The following MSL1 variants were observed in gnomAD, a reference collection of about 807,000 sequenced individuals.
MSL1 encodes male-specific lethal 1 homolog.
MSL1 carries 21 observed loss-of-function variants against 64.6 expected under a neutral mutation model. That is an observed-to-expected ratio of 0.33 (90% CI 0.23 to 0.47). The LOEUF (loss-of-function observed/expected upper bound fraction) is 0.47. MSL1 is among the 20% of genes least tolerant of loss of function. The pLI is 1.00. For missense variants in MSL1, 664 were observed against 793.2 expected (o/e 0.84, Z 1.96); for synonymous variants, 339 against 329.6 (o/e 1.03, Z -0.31).
chr17:40,123,245 C>T lies in MSL1; in HGVS notation c.633C>T (p.Gly211=). Residue 211 remains glycine, a synonymous_variant, in exon 1 of 9, where the codon GGC becomes GGT. Coordinates refer to ENST00000398532, the MANE Select transcript of MSL1 (RefSeq NM_001365919.1). ...GGAAGAGCCCTCTCGGGGGTGGTGG[C>T]GGCTCGGGAGCCTCCAGTCAGGCCG... is the stretch of plus-strand genomic sequence containing the variant. The part of the protein sequence containing the change: ...SMRKSPLGGG[G]GSGASSQAAC... 1 of 1,535,704 alleles carries T rather than the reference C, an allele frequency of 6.5e-7. No homozygotes were observed. Among genetic ancestry groups the T allele is most frequent in the South Asian group, 1.2e-5 (1 of 84,064 alleles).
intron 2 of MSL1, among the ~76,000 whole-genome samples, chr17:40,128,340 A>G (rs1224228547): frequency 6.6e-6 from 1 of 150,886 alleles, no homozygotes; most frequent in Non-Finnish European, 1.5e-5. Flanking sequence ...GTAGTGGTAC[A>G]TAATGTTGGC....
In MSL1 at chr17:40,127,833, AAAG is replaced by A. The variant is rs1479907117; in HGVS notation, c.993-1408_993-1406del. On this transcript the variant is annotated intron_variant, in intron 2 of 8. Transcript: ENST00000398532. Reference sequence around the variant, plus strand: ...ACTTTAAGTAGAAATCAGTCTTGAAAAAGAAGTATAGCCGGGTGCGGTGGCTCA... The same window carrying A: ...ACTTTAAGTAGAAATCAGTCTTGAAAAAGTATAGCCGGGTGCGGTGGCTCA... Among the ~76,000 whole-genome samples, 11 of 152,354 alleles carry A rather than the reference AAAG, an allele frequency of 7.2e-5. No individual in the cohort carries two copies. The East Asian group carries it at 1.7e-3, about 24-fold the overall frequency.
chr17:40,125,098 A>G (rs181115633), intron 1 of MSL1, among the ~76,000 whole-genome samples: 33 of 152,376 alleles, frequency 2.2e-4, no homozygotes, highest in Admixed American at 1.3e-3. Flanking sequence ...GTAATAGAGT[A>G]TAAGTAGCAC....
rs1988444670 is a variant in MSL1 at position 40,131,898 on chromosome 17, A to G, written c.1424-136A>G. 1.5e-6 allele frequency: 1 copy of G among 668,132 alleles called. No homozygotes were observed. The highest frequency in any genetic ancestry group is 2.6e-6 in the Non-Finnish European group (1 of 387,618). The allele number at this position is 668,132 out of a possible 1,614,324, so 41.4% of individuals were successfully genotyped here. ...CTGAATATGGCTTCAGGGAGGCCAT[A>G]GAATGGATTCCTATCACTTGGTAAC... On this transcript the variant is annotated intron_variant, in intron 4 of 8. Transcript: ENST00000398532. This position sits in a 1 kb window ranked among gnomAD's most constrained non-coding sequence, Gnocchi z 4.5.
chr17:40,133,752 T>G, intron 7 of MSL1, 75 bp from the exon 8 acceptor site: 1 of 1,610,746 alleles, frequency 6.2e-7, no homozygotes, highest in Non-Finnish European at 8.5e-7. Context: ...ATGAAGTGTA[T>G]TTTGGAGCAG....
At chr17:40,133,688 T>A (rs1988485209) in intron 7 of MSL1, 30 bp downstream of exon 7, 3 of 1,611,482 alleles carry the variant, frequency 1.9e-6, no homozygotes, top group African/African-American at 2.7e-5. Flanking sequence ...AAGAGTAGGT[T>A]TTTGAAAGAA....
At position 40,122,641 on chromosome 17, in the gene MSL1, C is replaced by T. The variant is rs1988207711; in HGVS notation, c.29C>T (p.Ala10Val). 1.3e-6 allele frequency: 2 copies of T among 1,489,826 alleles called. No homozygotes were observed. The highest frequency in any genetic ancestry group is 1.8e-6 in the Non-Finnish European group (2 of 1,127,156). 92.3% of individuals were successfully genotyped at this position (1,489,826 alleles called of 1,614,324 possible). A position where few individuals can be genotyped will look rare whatever the true frequency, so the allele number is the denominator to read the frequency against. Residue 10 changes from alanine (A) to valine (V), a missense_variant, in exon 1 of 9, where the codon GCG becomes GTG. Physicochemically the swap from Ala to Val is moderately conservative, Grantham distance 64 (BLOSUM62 0). Transcript: ENST00000398532. This position sits in a 1 kb window ranked among gnomAD's most constrained non-coding sequence, Gnocchi z 4.2. ...ACCATGAGATCCGCGGTGTTCAAGGCGGCCGCGGCCCCTGCCGGCGGCAAT... is the reference window on the plus strand; with the variant it reads ...ACCATGAGATCCGCGGTGTTCAAGGTGGCCGCGGCCCCTGCCGGCGGCAAT... MTMRSAVFK[A>V]AAAPAGGNPE... is the part of the protein sequence containing the mutation.
rs1342426596 is a variant in MSL1 at position 40,131,736 on chromosome 17, A to G, written c.1423+152A>G. The G allele has an allele frequency of 6.7e-6, 5 of 746,728 alleles. No individual in the cohort carries two copies. Among genetic ancestry groups the G allele is most frequent in the South Asian group, 1.6e-5 (1 of 64,324 alleles). 46.3% of individuals were successfully genotyped at this position (746,728 alleles called of 1,614,324 possible). A position where few individuals can be genotyped will look rare whatever the true frequency, so the allele number is the denominator to read the frequency against. On this transcript the variant is annotated intron_variant, in intron 4 of 8. Transcript: ENST00000398532. The surrounding 1 kb of genome is among the most constrained non-coding windows in gnomAD (Gnocchi z 4.5). ...ACACTACTATAGACTTCAAAATGAC[A>G]ACAAATTTCAGTTGTTTTTCAGGAA...
Position 40,129,442 on chromosome 17 carries a change from C to T in MSL1, c.1190C>T (p.Pro397Leu), listed in dbSNP as rs1314806542. The T allele has an allele frequency of 6.2e-7, 1 of 1,613,654 alleles. No individual in the cohort carries two copies. The highest frequency in any genetic ancestry group is 1.3e-5 in the African/African-American group (1 of 74,870). ...PEKPRSSVDT[P>L]PRLSTPQKGP... ...AAGCCCCGGTCTTCAGTGGACACCC[C>T]ACCAAGACTCTCCACTCCCCAAAAG... Residue 397 changes from proline (P) to leucine (L), a missense_variant, in exon 3 of 9, where the codon CCA (proline) becomes CTA (leucine). Around this residue, in one of 4 missense-constraint regions of MSL1, gnomAD observed 119 missense variants for 164.3 expected, o/e 0.72. Transcript: ENST00000398532.
Position 40,122,780 on chromosome 17 carries a change from G to A in MSL1, c.168G>A (p.Gly56=). 7.3e-7 allele frequency: 1 copy of A among 1,377,318 alleles called. No homozygotes were observed. Among genetic ancestry groups the A allele is most frequent in the Non-Finnish European group, 9.3e-7 (1 of 1,074,676 alleles). 85.3% of individuals were successfully genotyped at this position (1,377,318 alleles called of 1,614,324 possible). A position where few individuals can be genotyped will look rare whatever the true frequency, so the allele number is the denominator to read the frequency against. ...GGCACCGTAAGCTCAAGGAGCCGGG[G>A]CCCCCGCTGGCCTCCTCCCAGGGCG... is the stretch of plus-strand genomic sequence containing the variant. ...LPRHRKLKEP[G]PPLASSQGGS... is the part of the protein sequence containing the mutation. The change falls in exon 1 of 9, where the codon GGG becomes GGA. Residue 56 remains glycine (G), a synonymous_variant. Coordinates refer to ENST00000398532, the MANE Select transcript of MSL1 (RefSeq NM_001365919.1). This position sits in a 1 kb window ranked among gnomAD's most constrained non-coding sequence, Gnocchi z 4.2.
chr17:40,133,760 C>A, intron 7 of MSL1, 67 bp from the exon 8 acceptor site: 1 of 1,609,346 alleles, frequency 6.2e-7, no homozygotes, highest in Middle Eastern at 1.7e-4. Flanking sequence ...TATTTTGGAG[C>A]AGATATAGCT....
intron 3 of MSL1, 110 bp downstream of exon 3, chr17:40,129,737 C>T: frequency 8.3e-7 from 1 of 1,207,170 alleles, no homozygotes; most frequent in Non-Finnish European, 1.1e-6. Flanking sequence ...AAGCAGAGTT[C>T]TGTCAAGAAT....
At position 40,135,145 on chromosome 17, in the gene MSL1, A is replaced by G. The variant is rs1270503284; in HGVS notation, c.*776A>G. 6.6e-6 allele frequency: 1 copy of G among 152,312 alleles called. No individual in the cohort carries two copies. Among genetic ancestry groups the G allele is most frequent in the East Asian group, 1.9e-4 (1 of 5,338 alleles). 9.4% of individuals were successfully genotyped at this position (152,312 alleles called of 1,614,324 possible). On this transcript the variant is annotated 3_prime_UTR_variant, in exon 9 of 9. Transcript: ENST00000398532. The stretch of plus-strand genomic sequence containing the variant: ...TGGGATGGCATGCCAAAACCTGTAT[A>G]AATGTCCTTGTATCACATCACTTCT...
rs1187748728 is a variant in MSL1 at position 40,134,534 on chromosome 17, T to G, written c.*165T>G. The stretch of plus-strand genomic sequence containing the variant: ...TTCATTACTCTGATTTCACAAAAAC[T>G]CTTTCATTCGGCTAATTGTGAGTTA... On this transcript the variant is annotated 3_prime_UTR_variant, in exon 9 of 9. Coordinates refer to ENST00000398532, the MANE Select transcript of MSL1 (RefSeq NM_001365919.1). The G allele has an allele frequency of 1.6e-6, 1 of 622,570 alleles. No individual in the cohort carries two copies. The highest frequency in any genetic ancestry group is 3.0e-5 in the Admixed American group (1 of 33,598). The allele number at this position is 622,570 out of a possible 1,614,324, so 38.6% of individuals were successfully genotyped here. A position where few individuals can be genotyped will look rare whatever the true frequency, so the allele number is the denominator to read the frequency against.
Position 40,133,531 on chromosome 17 carries a change from C to T in MSL1, c.1557-3C>T. 1.9e-6 allele frequency: 3 copies of T among 1,607,500 alleles called. No individual in the cohort carries two copies. Among genetic ancestry groups the T allele is most frequent in the Non-Finnish European group, 2.5e-6 (3 of 1,177,144 alleles). On this transcript the variant is annotated splice_region_variant and splice_polypyrimidine_tract_variant and intron_variant, in intron 6 of 8. Coordinates refer to ENST00000398532, the MANE Select transcript of MSL1 (RefSeq NM_001365919.1). Reference sequence around the variant, plus strand: ...TTTGTTTTGTTTGGTTTGTTTTTCCCAGATGGGATATTCAGAGGATCAGGG... The same window carrying T: ...TTTGTTTTGTTTGGTTTGTTTTTCCTAGATGGGATATTCAGAGGATCAGGG...
intron 3 of MSL1, chr17:40,130,110 TTAAC>T (rs1988410413): frequency 6.5e-6 from 1 of 153,590 alleles, no homozygotes; most frequent in Admixed American, 6.5e-5. Context: ...CCTCCGCTCT[TTAAC>T]TATATAAACA....
At chr17:40,133,939 C>A in intron 8 of MSL1, 40 bp downstream of exon 8, 2 of 1,545,738 alleles carry the variant, frequency 1.3e-6, no homozygotes, top group South Asian at 1.1e-5. Flanking sequence ...AGGTAACCTG[C>A]ACATCCTTTT....
At position 40,123,034 on chromosome 17, in the gene MSL1, C is replaced by T; in HGVS notation, c.422C>T (p.Ser141Phe). ...YQAVLPIQTG[S>F]LVAAAKEPTP... is the part of the protein sequence containing the mutation. ...GCGGTGCTGCCCATTCAGACGGGCT[C>T]TCTCGTGGCGGCGGCCAAAGAGCCT... The change falls in exon 1 of 9, where the codon TCT (serine) becomes TTT (phenylalanine). Residue 141 changes from serine to phenylalanine, a missense_variant. Ser to Phe is a radical substitution (Grantham distance 155). This residue lies in a region of MSL1 where 466 missense variants were observed against 499.0 expected (regional missense o/e 0.93). Coordinates refer to ENST00000398532, the MANE Select transcript of MSL1 (RefSeq NM_001365919.1). 1 of 1,532,516 alleles carries T rather than the reference C, an allele frequency of 6.5e-7. No homozygotes were observed. The highest frequency in any genetic ancestry group is 8.7e-7 in the Non-Finnish European group (1 of 1,145,558). 94.9% of individuals were successfully genotyped at this position (1,532,516 alleles called of 1,614,324 possible). A position where few individuals can be genotyped will look rare whatever the true frequency, so the allele number is the denominator to read the frequency against.
chr17:40,123,057 C>G lies in MSL1; in HGVS notation c.445C>G (p.Pro149Ala), dbSNP rs1432575402. The change falls in exon 1 of 9, where the codon CCT becomes GCT. Residue 149 changes from proline to alanine, a missense_variant. By Grantham distance (27) the Pro-to-Ala change is conservative. Around this residue, in one of 4 missense-constraint regions of MSL1, gnomAD observed 466 missense variants for 499.0 expected, o/e 0.93. Transcript: ENST00000398532. ...CTCTCTCGTGGCGGCGGCCAAAGAG[C>G]CTACGCCCTGGGCTGGGGACAAGGG... ...TGSLVAAAKE[P>A]TPWAGDKGGA... The G allele has an allele frequency of 3.9e-6, 6 of 1,532,318 alleles. No individual in the cohort carries two copies. The Admixed American group carries it at 1.2e-4, about 30-fold the overall frequency. The allele number at this position is 1,532,318 out of a possible 1,614,324, so 94.9% of individuals were successfully genotyped here. A position where few individuals can be genotyped will look rare whatever the true frequency, so the allele number is the denominator to read the frequency against.
Sources: gnomAD v4.1 joint callset for allele counts (sites outside exome capture counted in the v4.1 genomes callset) on GRCh38, gnomAD v4.1.1 for gene constraint, gnomAD v4.1.1 regional missense constraint, Gnocchi (gnomAD v3.1) non-coding constraint, MANE v1.5 for transcripts, NCBI Gene and HGNC (gene_info 2026-07-23, HGNC 2026-07-21) for gene names.